Variants in ZNF695 observed in about 807,000 individuals in gnomAD.
ZNF695 encodes the protein zinc finger protein 695, also known as zinc finger protein SBZF3.
Under a neutral mutation model 11.2 loss-of-function variants are expected in ZNF695, and 11 were observed. The observed-to-expected ratio is 0.98, with a 90% CI of 0.62 to 1.62. The LOEUF (loss-of-function observed/expected upper bound fraction) is 1.62. ZNF695 is among the 40% of genes most tolerant of loss of function. The pLI is 0.00. For synonymous variants in ZNF695, 190 were observed against 201.4 expected (o/e 0.94, Z 0.48); for missense variants, 559 against 590.5 (o/e 0.95, Z 0.55).
intron 5 of ZNF695, among the ~76,000 whole-genome samples, chr1:246,947,138 A>C (rs78106328): frequency 0.25 from 21,745 of 88,472 alleles, 2,296 homozygotes; most frequent in East Asian, 0.29. Context: ...AGACTCCGTC[A>C]AAAAAAAAAA....
intron 5 of ZNF695, among the ~76,000 whole-genome samples, chr1:246,957,889 C>T (rs1668040797): frequency 6.6e-6 from 1 of 152,016 alleles, no homozygotes; most frequent in African/African-American, 2.4e-5. Flanking sequence ...CCACCACACC[C>T]AGCCTTGTAT....
rs933672418 is a variant in ZNF695 at position 246,986,441 on chromosome 1, G to T, written c.*526C>A. The T allele has an allele frequency of 9.1e-6, 9 of 985,408 alleles. No homozygotes were observed. Among genetic ancestry groups the T allele is most frequent in the Non-Finnish European group, 1.1e-5 (9 of 830,010 alleles). 61.0% of individuals were successfully genotyped at this position (985,408 alleles called of 1,614,324 possible). On this transcript the variant is annotated 3_prime_UTR_variant, in exon 4 of 4. Coordinates refer to ENST00000339986, the MANE Select transcript of ZNF695 (RefSeq NM_020394.5). ...CTCCTACTTACTTTAACTTAACTTT[G>T]AATTATTCTCTATAACCAACACTCA...
At chr1:246,949,866 A>G (rs964769464) in intron 5 of ZNF695, among the ~76,000 whole-genome samples, 6 of 152,198 alleles carry the variant, frequency 3.9e-5, no homozygotes, top group Admixed American at 3.3e-4. Flanking sequence ...ACAATTTTGT[A>G]TGTGTCTTTA....
intron 4 of ZNF695, among the ~76,000 whole-genome samples, chr1:246,975,711 T>A (rs1041605859): frequency 1.3e-5 from 2 of 152,144 alleles, no homozygotes; most frequent in Non-Finnish European, 2.9e-5. Flanking sequence ...AAGATTTTCA[T>A]TGACAGTAAG....
In ZNF695 at chr1:246,974,161, CAA is replaced by C. The variant is rs912540573; in HGVS notation, c.391-6371_391-6370del. ...TTGGAATAAAAAACAAACAAACAAA[CAA>C]AAAAAAACAAACAAAAAACAACAAC... On this transcript the variant is annotated intron_variant, in intron 4 of 5. Transcript: ENST00000487338. Among the ~76,000 whole-genome samples the C allele has an allele frequency of 3.7e-3, 532 of 142,764 alleles. 6 individuals carry two copies. Among genetic ancestry groups the C allele is most frequent in the African/African-American group, 0.013 (513 of 38,442 alleles). 93.7% of individuals were successfully genotyped at this position (142,764 alleles called of 152,430 possible).
At position 246,996,890 on chromosome 1, in the gene ZNF695, T is replaced by C. The variant is rs139133609; in HGVS notation, c.259+2458A>G. Among the ~76,000 whole-genome samples the C allele has an allele frequency of 3.7e-3, 570 of 152,214 alleles. 5 individuals are homozygous for C. Among genetic ancestry groups the C allele is most frequent in the African/African-American group, 0.012 (519 of 41,538 alleles). ...ATACACACACACGTCATAAAGAAAA[T>C]GTACTGGCATGTCTACTGCAAGTAG... On this transcript the variant is annotated intron_variant, in intron 3 of 3. Coordinates refer to ENST00000339986, the MANE Select transcript of ZNF695 (RefSeq NM_020394.5).
intron 5 of ZNF695, among the ~76,000 whole-genome samples, chr1:246,949,306 T>C (rs1667813248): frequency 6.6e-6 from 1 of 152,180 alleles, no homozygotes; most frequent in Non-Finnish European, 1.5e-5. Flanking sequence ...GCTCTATCTC[T>C]TGGGCCGGGC....
chr1:246,955,399 G>A (rs1025777291), intron 5 of ZNF695, among the ~76,000 whole-genome samples: 6 of 152,098 alleles, frequency 3.9e-5, no homozygotes, highest in Non-Finnish European at 7.4e-5. Flanking sequence ...GATCACTGTC[G>A]TCTATGAGGT....
intron 1 of ZNF695, among the ~76,000 whole-genome samples, chr1:247,007,276 C>A (rs1423051155): frequency 6.6e-6 from 1 of 151,652 alleles, no homozygotes; most frequent in Non-Finnish European, 1.5e-5. Flanking sequence ...GAGGCCGAGG[C>A]GGGCGGATCA....
intron 3 of ZNF695, among the ~76,000 whole-genome samples, chr1:246,992,983 C>T (rs566208535): frequency 3.3e-5 from 5 of 152,190 alleles, no homozygotes; most frequent in East Asian, 1.9e-4. Flanking sequence ...ATACTTTGAC[C>T]GACAGGTTGG....
Position 246,988,253 on chromosome 1 carries a change from A to G in ZNF695, c.262T>C (p.Leu88=). 1 of 1,543,408 alleles carries G rather than the reference A, an allele frequency of 6.5e-7. No homozygotes were observed. Among genetic ancestry groups the G allele is most frequent in the Non-Finnish European group, 8.7e-7 (1 of 1,150,166 alleles). The change falls in exon 4 of 4, where the codon TTG becomes CTG. Residue 88 remains leucine, a splice_region_variant and synonymous_variant. Transcript: ENST00000339986. ...NTEKTARHSV[L]SSYLTEDILP... is the part of the protein sequence containing the mutation. ...ATGTCTTCAGTAAGATAAGAAGACA[A>G]AACTGGAAAAAATAAAAACAACAAA...
At chr1:246,996,877 G>A (rs540641554) in intron 3 of ZNF695, among the ~76,000 whole-genome samples, 8 of 152,170 alleles carry the variant, frequency 5.3e-5, no homozygotes, top group Non-Finnish European at 8.8e-5. Context: ...ACACACACAC[G>A]TCATAAAGAA....
downstream of ZNF695, among the ~76,000 whole-genome samples, chr1:246,981,856 T>G (rs1156618385): frequency 6.6e-5 from 10 of 152,318 alleles, 1 homozygote; most frequent in East Asian, 1.9e-3. Context: ...TTAGAGTGAA[T>G]GGCCAAGCGG....
intron 5 of ZNF695, among the ~76,000 whole-genome samples, chr1:246,952,201 G>A (rs1041839813): frequency 1.3e-4 from 19 of 151,960 alleles, no homozygotes; most frequent in Non-Finnish European, 2.1e-4. Flanking sequence ...TGCCTGCCTC[G>A]GCCTCCCAAA....
intron 4 of ZNF695, among the ~76,000 whole-genome samples, chr1:246,975,971 C>T (rs752458755): frequency 2.0e-5 from 3 of 152,076 alleles, no homozygotes; most frequent in Non-Finnish European, 2.9e-5. Flanking sequence ...AAGGAGGAAA[C>T]GACCATCTCT....
chr1:246,993,675 G>A (rs1159563616), intron 3 of ZNF695, among the ~76,000 whole-genome samples: 1 of 152,020 alleles, frequency 6.6e-6, no homozygotes, highest in Non-Finnish European at 1.5e-5. Flanking sequence ...TAAAGAAATG[G>A]AGATATATAA....
downstream of ZNF695, among the ~76,000 whole-genome samples, chr1:246,982,126 C>G (rs973557033): frequency 6.6e-6 from 1 of 152,000 alleles, no homozygotes; most frequent in South Asian, 2.1e-4. Flanking sequence ...CAAAATTAGC[C>G]AGGCGTGGTG....
chr1:246,963,904 G>A (rs780515656), intron 5 of ZNF695, among the ~76,000 whole-genome samples: 11 of 152,310 alleles, frequency 7.2e-5, no homozygotes, highest in South Asian at 2.1e-4. Context: ...GCTGTGACCC[G>A]TGTTCCTGAC....
chr1:246,959,919 C>T lies in ZNF695; in HGVS notation c.488+7776G>A, dbSNP rs141441265. On this transcript the variant is annotated intron_variant, in intron 5 of 5. Transcript: ENST00000487338. ...CAAAAACTCTCCAGTGTTTCTGATC[C>T]ATTAGTTCCGTAGCAATGTATGAGT... Among the ~76,000 whole-genome samples the T allele has an allele frequency of 9.2e-5, 14 of 152,266 alleles. No homozygotes were observed. The East Asian group carries it at 2.7e-3, about 29-fold the overall frequency.
Sources: gnomAD v4.1 joint callset for allele counts (sites outside exome capture counted in the v4.1 genomes callset) on GRCh38, gnomAD v4.1.1 for gene constraint, MANE v1.5 for transcripts, NCBI Gene and HGNC (gene_info 2026-07-23, HGNC 2026-07-21) for gene names.